CYSLTR1: variants seen among roughly 807,000 people sequenced by gnomAD.
CYSLTR1 encodes G-protein coupled receptor HG55.
CYSLTR1 carries 1 observed loss-of-function variant against 2.1 expected under a neutral mutation model. That is an observed-to-expected ratio of 0.48 (90% confidence interval 0.17 to 2.28). The LOEUF (loss-of-function observed/expected upper bound fraction) is 2.28, where lower values mean the gene tolerates loss of function less well. Ranked by LOEUF, CYSLTR1 falls within the 30% of genes most tolerant of loss-of-function variation. CYSLTR1 has a pLI of 0.26. For synonymous variants in CYSLTR1, 110 were observed against 89.6 expected, an observed-to-expected ratio of 1.23 and a Z score of -1.28; for missense variants, 299 against 250.1, an observed-to-expected ratio of 1.20 and a Z score of -1.32.
chrX:78,316,560 G>A (rs1923427964), intron 1 of CYSLTR1, among the ~76,000 whole-genome samples: 1 of 111,883 alleles, frequency 8.9e-6, no homozygotes, highest in Non-Finnish European at 1.9e-5. Flanking sequence ...AGCGAGGCTG[G>A]CCTTGCCAAC....
At chrX:78,309,658 G>T (rs1603411679) in intron 1 of CYSLTR1, among the ~76,000 whole-genome samples, 1 of 111,659 alleles carries the variant, frequency 9.0e-6, no homozygotes. Context: ...CAATTATCAA[G>T]CAGAGTTACT....
At chrX:78,304,615 G>C (rs1441531303) in intron 1 of CYSLTR1, among the ~76,000 whole-genome samples, 1 of 110,280 alleles carries the variant, frequency 9.1e-6, no homozygotes, top group African/African-American at 3.3e-5. Context: ...CTTTATTGGG[G>C]GTCTGAAGAA....
At position 78,273,196 on chromosome X, in the gene CYSLTR1, T is replaced by G. The variant is rs1206864050; in HGVS notation, c.551A>C (p.Asn184Thr). 5 of 1,210,841 alleles carry G rather than the reference T, an allele frequency of 4.1e-6. No individual in the cohort carries two copies. The South Asian group carries it at 8.8e-5, about 21-fold the overall frequency. The part of the protein sequence containing the change: ...FEPPQDNQTK[N>T]HVLVLHYVSL... ...CACATAATGCAAGACCAAAACATGA[T>G]TTTTAGTTTGATTGTCTTGTGGGGG... The change falls in exon 3 of 3, where the codon AAT becomes ACT. Residue 184 changes from asparagine (N) to threonine (T), a missense_variant. Coordinates refer to ENST00000373304, the MANE Select transcript of CYSLTR1 (RefSeq NM_006639.4).
intron 1 of CYSLTR1, among the ~76,000 whole-genome samples, chrX:78,304,606 T>A (rs183572291): frequency 9.1e-6 from 1 of 110,459 alleles, no homozygotes; most frequent in Non-Finnish European, 1.9e-5. Flanking sequence ...TTAAACAAAC[T>A]TTATTGGGGG....
At chrX:78,317,080 A>G (rs949147244) in intron 1 of CYSLTR1, among the ~76,000 whole-genome samples, 2 of 112,505 alleles carry the variant, frequency 1.8e-5, no homozygotes, top group Non-Finnish European at 3.7e-5. Flanking sequence ...TTTGCAAACT[A>G]TGCATCTGAC....
intron 1 of CYSLTR1, among the ~76,000 whole-genome samples, chrX:78,293,090 T>C (rs775416489): frequency 9.0e-6 from 1 of 111,726 alleles, no homozygotes; most frequent in Non-Finnish European, 1.9e-5. Flanking sequence ...CTTTACAATT[T>C]GGCATGTTTT....
intron 1 of CYSLTR1, among the ~76,000 whole-genome samples, chrX:78,312,593 T>C (rs753665387): frequency 8.9e-6 from 1 of 111,787 alleles, no homozygotes; most frequent in Non-Finnish European, 1.9e-5. Flanking sequence ...AGGTCTAATA[T>C]CCGGAATCTA....
At chrX:78,289,503 G>T (rs1415797500) in intron 1 of CYSLTR1, among the ~76,000 whole-genome samples, 2 of 111,752 alleles carry the variant, frequency 1.8e-5, no homozygotes, top group Non-Finnish European at 3.8e-5. Context: ...GGGTCAAATG[G>T]TATTTCTAGT....
At chrX:78,278,005 C>A (rs320990) in intron 2 of CYSLTR1, among the ~76,000 whole-genome samples, 1 of 110,592 alleles carries the variant, frequency 9.0e-6, no homozygotes, top group African/African-American at 3.3e-5. Context: ...AAGTTGAAAC[C>A]CAATTCAAAG....
chrX:78,292,985 T>G (rs1177611934), intron 1 of CYSLTR1, among the ~76,000 whole-genome samples: 1 of 111,165 alleles, frequency 9.0e-6, no homozygotes, highest in Non-Finnish European at 1.9e-5. Flanking sequence ...ACATTTAAGG[T>G]TAATATTGTT....
At chrX:78,306,265 G>T (rs1012400318) in intron 1 of CYSLTR1, among the ~76,000 whole-genome samples, 1 of 110,875 alleles carries the variant, frequency 9.0e-6, no homozygotes, top group Admixed American at 9.6e-5. Flanking sequence ...CCAGGTTTAA[G>T]CAATTCTTCT....
At chrX:78,292,725 G>A (rs1922399429) in intron 1 of CYSLTR1, among the ~76,000 whole-genome samples, 1 of 110,506 alleles carries the variant, frequency 9.0e-6, no homozygotes, top group South Asian at 3.8e-4. Flanking sequence ...TTATGTAATG[G>A]CCTTCTTTGT....
chrX:78,293,738 A>G (rs1188743413), intron 1 of CYSLTR1, among the ~76,000 whole-genome samples: 2 of 111,393 alleles, frequency 1.8e-5, no homozygotes, highest in Non-Finnish European at 3.8e-5. Context: ...TTGATCTTCA[A>G]TCACTGACAA....
At chrX:78,304,376 C>T (rs986580278) in intron 1 of CYSLTR1, among the ~76,000 whole-genome samples, 3 of 111,091 alleles carry the variant, frequency 2.7e-5, no homozygotes, top group African/African-American at 6.5e-5. Flanking sequence ...GAAGTCCATC[C>T]TGCTTGATCG....
chrX:78,275,606 A>T (rs2149181212), intron 2 of CYSLTR1, among the ~76,000 whole-genome samples: 1 of 108,401 alleles, frequency 9.2e-6, no homozygotes, highest in African/African-American at 3.4e-5. Flanking sequence ...GGGGAGGGAT[A>T]GCATTAGGAG....
At chrX:78,290,233 T>G (rs981805864) in intron 1 of CYSLTR1, among the ~76,000 whole-genome samples, 5 of 112,008 alleles carry the variant, frequency 4.5e-5, no homozygotes, top group African/African-American at 1.6e-4. Context: ...TTTCCCCATT[T>G]CTTGTTTTTG....
In CYSLTR1 at chrX:78,271,653, A is replaced by G. The variant is rs1603408069; in HGVS notation, c.*1080T>C. 1.8e-5 allele frequency: 2 copies of G among 112,067 alleles called. No homozygotes were observed. Among genetic ancestry groups the G allele is most frequent in the Admixed American group, 1.9e-4 (2 of 10,457 alleles). 9.2% of individuals were successfully genotyped at this position (112,067 alleles called of 1,213,427 possible). A position where few individuals can be genotyped will look rare whatever the true frequency, so the allele number is the denominator to read the frequency against. On this transcript the variant is annotated 3_prime_UTR_variant, in exon 3 of 3. Coordinates refer to ENST00000373304, the MANE Select transcript of CYSLTR1 (RefSeq NM_006639.4). ...TATAAAAGTCACTGTAAACATATCC[A>G]TGATATTCCTGTCAACATACCAATA...
intron 1 of CYSLTR1, among the ~76,000 whole-genome samples, chrX:78,304,883 A>G (rs891903766): frequency 8.9e-6 from 1 of 111,982 alleles, no homozygotes; most frequent in Non-Finnish European, 1.9e-5. Context: ...TAAACTCTGG[A>G]AAACTTTGTA....
intron 1 of CYSLTR1, among the ~76,000 whole-genome samples, chrX:78,300,487 CTG>C (rs1179820176): frequency 8.8e-6 from 1 of 113,031 alleles, no homozygotes; most frequent in Non-Finnish European, 1.9e-5. Context: ...GAAATCTAAA[CTG>C]TATCTGCTTT....
Sources: gnomAD v4.1 joint callset for allele counts (sites outside exome capture counted in the v4.1 genomes callset) on GRCh38, gnomAD v4.1.1 for gene constraint, MANE v1.5 for transcripts, NCBI Gene and HGNC (gene_info 2026-07-23, HGNC 2026-07-21) for gene names.